CFAP57: variants seen among roughly 807,000 people sequenced by gnomAD.
CFAP57 encodes cilia- and flagella-associated protein 57.
Under a neutral mutation model 146.8 loss-of-function variants are expected in CFAP57, and 116 were observed. That is an observed-to-expected ratio of 0.79 (90% CI 0.68 to 0.92). The LOEUF (loss-of-function observed/expected upper bound fraction) is 0.92. Ranked by LOEUF, CFAP57 falls within the 40% of genes least tolerant of loss-of-function variation. CFAP57 has a pLI of 0.00. For synonymous variants in CFAP57, 518 were observed against 552.8 expected, an observed-to-expected ratio of 0.94 and a Z score of 0.88; for missense variants, 1,377 against 1,527.2, an observed-to-expected ratio of 0.90 and a Z score of 1.64.
Position 43,172,389 on chromosome 1 carries a change from T to C in CFAP57, c.-84T>C. 1 of 1,551,356 alleles carries C rather than the reference T, an allele frequency of 6.4e-7. No individual in the cohort carries two copies. Among genetic ancestry groups the C allele is most frequent in the Non-Finnish European group, 8.7e-7 (1 of 1,146,926 alleles). On this transcript the variant is annotated 5_prime_UTR_variant, in exon 1 of 23. Transcript: ENST00000372492. ...GGCGTTTGAAAGTGTCCGGGTTGCT[T>C]AGGATCCCTACAGGTAGCGCCTCTG...
Position 43,206,747 on chromosome 1 carries a change from G to T in CFAP57, c.1570G>T (p.Asp524Tyr). ...KIRSIVWNAD[D>Y]SKLISGGTDG... ...TCGCTCAATTGTGTGGAATGCAGAT[G>T]ATAGCAAACTGATTTCTGGTGGCAC... is the stretch of plus-strand genomic sequence containing the variant. The change falls in exon 10 of 23, where the codon GAT (aspartate) becomes TAT (tyrosine). Residue 524 changes from aspartate (D) to tyrosine (Y), a missense_variant. Physicochemically the swap from Asp to Tyr is radical, Grantham distance 160. Coordinates refer to ENST00000372492, the MANE Select transcript of CFAP57 (RefSeq NM_001378189.1). The T allele has an allele frequency of 1.2e-6, 2 of 1,614,070 alleles. No homozygotes were observed. Among genetic ancestry groups the T allele is most frequent in the Non-Finnish European group, 1.7e-6 (2 of 1,180,024 alleles).
At chr1:43,179,400 A>G (rs1645300211) in intron 2 of CFAP57, among the ~76,000 whole-genome samples, 1 of 152,216 alleles carries the variant, frequency 6.6e-6, no homozygotes, top group Non-Finnish European at 1.5e-5. Context: ...ACCAGTCAAC[A>G]TATATCAAGA....
chr1:43,212,084 C>T (rs994414347), intron 11 of CFAP57, among the ~76,000 whole-genome samples: 2 of 152,150 alleles, frequency 1.3e-5, no homozygotes, highest in African/African-American at 2.4e-5. Flanking sequence ...ACAGAGTTCC[C>T]GTGTATCCCT....
At chr1:43,246,368 C>T (rs1402836406) in intron 22 of CFAP57, among the ~76,000 whole-genome samples, 1 of 152,068 alleles carries the variant, frequency 6.6e-6, no homozygotes, top group African/African-American at 2.4e-5. Flanking sequence ...CAGATATAAA[C>T]CCTCAAATAA....
chr1:43,234,245 C>T, intron 19 of CFAP57, 34 bp from the exon 20 acceptor site: 1 of 1,530,988 alleles, frequency 6.5e-7, no homozygotes, highest in Non-Finnish European at 8.8e-7. Flanking sequence ...CGAGAGCACC[C>T]TACAGCACCA....
intron 21 of CFAP57, among the ~76,000 whole-genome samples, chr1:43,241,488 G>A (rs890997480): frequency 5.9e-5 from 9 of 152,020 alleles, no homozygotes; most frequent in South Asian, 2.1e-4. Flanking sequence ...GCAGAGGACC[G>A]TTTGTCACAG....
chr1:43,228,437 C>T (rs894201786), intron 18 of CFAP57, among the ~76,000 whole-genome samples: 1 of 127,628 alleles, frequency 7.8e-6, no homozygotes, highest in African/African-American at 3.2e-5. Flanking sequence ...TGTGCTGAGC[C>T]GGGATAACAG....
intron 17 of CFAP57, among the ~76,000 whole-genome samples, 199 bp downstream of exon 17, chr1:43,224,403 A>G (rs1462887652): frequency 1.3e-5 from 2 of 152,248 alleles, no homozygotes; most frequent in African/African-American, 4.8e-5. Flanking sequence ...CAGCTCTGCC[A>G]ACAACCCAGG....
At chr1:43,251,339 C>G (rs182814244) in intron 22 of CFAP57, among the ~76,000 whole-genome samples, 3 of 152,246 alleles carry the variant, frequency 2.0e-5, no homozygotes, top group Admixed American at 1.3e-4. Flanking sequence ...GTTTATATAC[C>G]AGGGAAGAAA....
chr1:43,179,954 C>A (rs1215645373), intron 2 of CFAP57, among the ~76,000 whole-genome samples: 1 of 152,016 alleles, frequency 6.6e-6, no homozygotes, highest in Non-Finnish European at 1.5e-5. Flanking sequence ...TGCCTGTAAT[C>A]CCAACACTCT....
chr1:43,175,989 A>T (rs1238339060), intron 2 of CFAP57, among the ~76,000 whole-genome samples: 2 of 151,736 alleles, frequency 1.3e-5, no homozygotes, highest in Non-Finnish European at 2.9e-5. Context: ...TATTGTGCTC[A>T]TATTCTTACA....
In CFAP57 at chr1:43,198,505, C is replaced by T; in HGVS notation, c.1287C>T (p.Tyr429=). The part of the protein sequence containing the change: ...ETNTLELFKE[Y]QEEAYSISLH... The stretch of plus-strand genomic sequence containing the variant: ...GCACCCTGGAACTATTTAAGGAATA[C>T]CAAGAAGAGGCATATTCCATCAGCC... The change falls in exon 8 of 23, where the codon TAC becomes TAT. Residue 429 remains tyrosine (Y), a synonymous_variant. Coordinates refer to ENST00000372492, the MANE Select transcript of CFAP57 (RefSeq NM_001378189.1). 1 of 1,614,056 alleles carries T rather than the reference C, an allele frequency of 6.2e-7. No individual in the cohort carries two copies. Among genetic ancestry groups the T allele is most frequent in the Non-Finnish European group, 8.5e-7 (1 of 1,180,012 alleles).
intron 8 of CFAP57, 64 bp downstream of exon 8, chr1:43,198,710 G>T: frequency 6.3e-7 from 1 of 1,581,740 alleles, no homozygotes; most frequent in South Asian, 1.1e-5. Context: ...GAAATATCAG[G>T]AACTAACATG....
At chr1:43,213,503 TG>T (rs748440016) in intron 11 of CFAP57, among the ~76,000 whole-genome samples, 2 of 87,512 alleles carry the variant, frequency 2.3e-5, no homozygotes, top group African/African-American at 3.7e-5. Context: ...ACAATAAATA[TG>T]GGGGGGGCGG....
At chr1:43,197,457 C>T (rs544933480) in intron 6 of CFAP57, 96 bp from the exon 7 acceptor site, 1 of 1,507,446 alleles carries the variant, frequency 6.6e-7, no homozygotes, top group South Asian at 1.1e-5. Flanking sequence ...TCTGTGCACC[C>T]AGGCTAATTA....
intron 19 of CFAP57, among the ~76,000 whole-genome samples, chr1:43,232,825 AAAT>A (rs1645526838): frequency 6.6e-6 from 1 of 152,250 alleles, no homozygotes; most frequent in African/African-American, 2.4e-5. Context: ...TGAGACTATA[AAAT>A]GACTTTGGGT....
chr1:43,177,303 T>C (rs1645211744), intron 2 of CFAP57: 1 of 433,328 alleles, frequency 2.3e-6, no homozygotes, highest in Non-Finnish European at 4.6e-6. Flanking sequence ...GATTTCTTCA[T>C]AGACACCATG....
At position 43,236,636 on chromosome 1, in the gene CFAP57, G is replaced by A. The variant is rs572468808; in HGVS notation, c.3405+1998G>A. ...AAAAAAAGGCAATTTCCAGCCGGGC[G>A]CAGTGGCTCACGCCTGTAATCCCAG... On this transcript the variant is annotated intron_variant, in intron 21 of 22. Coordinates refer to ENST00000372492, the MANE Select transcript of CFAP57 (RefSeq NM_001378189.1). Among the ~76,000 whole-genome samples, 43 of 144,880 alleles carry A rather than the reference G, an allele frequency of 3.0e-4. 1 individual carries two copies. Among genetic ancestry groups the A allele is most frequent in the African/African-American group, 9.9e-4 (39 of 39,376 alleles).
intron 22 of CFAP57, among the ~76,000 whole-genome samples, chr1:43,252,172 CAAAGA>C (rs111661083): frequency 2.6e-5 from 4 of 151,744 alleles, no homozygotes; most frequent in African/African-American, 9.7e-5. Flanking sequence ...GTTTTAAAAA[CAAAGA>C]AAAGAAAAGA....
Sources: gnomAD v4.1 joint callset for allele counts (sites outside exome capture counted in the v4.1 genomes callset) on GRCh38, gnomAD v4.1.1 for gene constraint, MANE v1.5 for transcripts, NCBI Gene and HGNC (gene_info 2026-07-23, HGNC 2026-07-21) for gene names.